TMEFF1: variants seen among roughly 807,000 people sequenced by gnomAD.
TMEFF1 encodes the protein transmembrane protein with EGF like and two follistatin like domains 1, also known as tomoregulin-1.
In TMEFF1, 20 loss-of-function variants were observed where a neutral mutation model predicts 47.5. That is an observed-to-expected ratio of 0.42 (90% CI 0.30 to 0.61). The LOEUF (loss-of-function observed/expected upper bound fraction) is 0.61, where lower values mean the gene tolerates loss of function less well. Among genes scored for constraint, TMEFF1 ranks in the 20% least tolerant of loss-of-function variants. The pLI is 0.19. For missense variants in TMEFF1, 411 were observed against 471.1 expected (o/e 0.87, Z 1.18); for synonymous variants, 162 against 166.3 (o/e 0.97, Z 0.20).
chr9:100,523,407 G>C (rs1380297740), intron 5 of TMEFF1, among the ~76,000 whole-genome samples: 2 of 152,158 alleles, frequency 1.3e-5, no homozygotes, highest in Admixed American at 1.3e-4. Flanking sequence ...CTTCCTGAGG[G>C]CAGGGACTTT....
intron 1 of TMEFF1, among the ~76,000 whole-genome samples, chr9:100,487,151 A>C (rs1410490463): frequency 6.6e-6 from 1 of 151,704 alleles, no homozygotes; most frequent in Non-Finnish European, 1.5e-5. Context: ...TTTTTTAAAA[A>C]ATTTTTAATT....
intron 5 of TMEFF1, among the ~76,000 whole-genome samples, chr9:100,542,120 AT>A (rs968559282): frequency 1.3e-4 from 17 of 133,418 alleles, no homozygotes; most frequent in East Asian, 4.4e-4. Context: ...CCTTTTTTGG[AT>A]TTTTTTTTTC....
At chr9:100,540,090 A>G (rs941150031) in intron 5 of TMEFF1, among the ~76,000 whole-genome samples, 15 of 152,146 alleles carry the variant, frequency 9.9e-5, no homozygotes, top group African/African-American at 3.6e-4. Context: ...AGCTAGACAG[A>G]AAAGTTCTCC....
At chr9:100,504,192 A>G (rs372351756) in intron 2 of TMEFF1, among the ~76,000 whole-genome samples, 169 of 152,320 alleles carry the variant, frequency 1.1e-3, no homozygotes, top group Admixed American at 2.0e-3. Context: ...TAGACTTAGA[A>G]TCCACCATCA....
chr9:100,576,545 G>T lies in TMEFF1; in HGVS notation c.1088G>T (p.Arg363Leu). ...TGCCCCAAAAACAATAGAGGACGTC[G>T]ACAGAAGCAAAACCTAGGTCATTTT... is the stretch of plus-strand genomic sequence containing the variant. ...RKCPKNNRGRRQKQNLGHFTS... is the reference protein window; with the variant it reads ...RKCPKNNRGRLQKQNLGHFTS... The change falls in exon 10 of 10, where the codon CGA (arginine) becomes CTA (leucine). Residue 363 changes from arginine (R) to leucine (L), a missense_variant. Coordinates refer to ENST00000374879, the MANE Select transcript of TMEFF1 (RefSeq NM_003692.5). 1 of 1,612,782 alleles carries T rather than the reference G, an allele frequency of 6.2e-7. No individual in the cohort carries two copies.
intron 5 of TMEFF1, among the ~76,000 whole-genome samples, chr9:100,535,730 C>T (rs1002075157): frequency 6.6e-6 from 1 of 152,238 alleles, no homozygotes; most frequent in South Asian, 2.1e-4. Context: ...TGCCACTGCA[C>T]TCCAGCCTGA....
chr9:100,565,673 G>A (rs1165270260), intron 8 of TMEFF1, among the ~76,000 whole-genome samples: 1 of 152,046 alleles, frequency 6.6e-6, no homozygotes, highest in African/African-American at 2.4e-5. Context: ...TTCTTTCCAA[G>A]TTCACTGAGA....
chr9:100,543,689 T>C (rs1289212625), intron 5 of TMEFF1, among the ~76,000 whole-genome samples: 1 of 144,530 alleles, frequency 6.9e-6, no homozygotes, highest in Non-Finnish European at 1.5e-5. Context: ...AACACTAACA[T>C]AGCTGATGAA....
At chr9:100,519,765 G>A (rs1838131368) in intron 5 of TMEFF1, among the ~76,000 whole-genome samples, 1 of 146,508 alleles carries the variant, frequency 6.8e-6, no homozygotes, top group African/African-American at 2.5e-5. Context: ...AGTACTAGCT[G>A]CTTTTAAATT....
At chr9:100,531,831 C>A (rs965529911) in intron 5 of TMEFF1, among the ~76,000 whole-genome samples, 10 of 152,182 alleles carry the variant, frequency 6.6e-5, no homozygotes, top group Non-Finnish European at 1.5e-4. Flanking sequence ...CACTACCTGA[C>A]TTCAAACTAT....
chr9:100,488,350 C>T (rs370500789), intron 1 of TMEFF1, among the ~76,000 whole-genome samples: 212 of 152,152 alleles, frequency 1.4e-3, no homozygotes, highest in African/African-American at 4.8e-3. Flanking sequence ...TTGTTTTCTA[C>T]TTTGGTTTTA....
intron 1 of TMEFF1, among the ~76,000 whole-genome samples, chr9:100,489,088 C>G (rs1837503149): frequency 6.6e-6 from 1 of 152,072 alleles, no homozygotes; most frequent in Admixed American, 6.6e-5. Context: ...ACACCCCCAT[C>G]CCCTGGTAAC....
rs150920073 is a variant in TMEFF1 at position 100,553,075 on chromosome 9, A to G, written c.775+2915A>G. Among the ~76,000 whole-genome samples, 543 of 152,288 alleles carry G rather than the reference A, an allele frequency of 3.6e-3. 2 individuals are homozygous for G. The highest frequency in any genetic ancestry group is 6.0e-3 in the Non-Finnish European group (409 of 68,024). On this transcript the variant is annotated intron_variant, in intron 7 of 9. Transcript: ENST00000374879. ...AAGAAAATCAAGAAGAGTACACAGA[A>G]GCTACAAGGGAAAGGATGGCCAATA...
At chr9:100,567,865 T>C (rs777545517) in intron 8 of TMEFF1, among the ~76,000 whole-genome samples, 3 of 152,138 alleles carry the variant, frequency 2.0e-5, no homozygotes, top group Non-Finnish European at 1.5e-5. Context: ...TCCACGTGGC[T>C]GGGGAGGCCT....
At chr9:100,540,607 C>G (rs1038242551) in intron 5 of TMEFF1, among the ~76,000 whole-genome samples, 3 of 152,220 alleles carry the variant, frequency 2.0e-5, no homozygotes, top group Non-Finnish European at 4.4e-5. Flanking sequence ...GCTCCTCAAG[C>G]AGGGCCAGAG....
At chr9:100,547,537 A>T (rs1838758927) in intron 5 of TMEFF1, among the ~76,000 whole-genome samples, 1 of 152,170 alleles carries the variant, frequency 6.6e-6, no homozygotes. Flanking sequence ...AAACCACTGG[A>T]TTCATAATAT....
At chr9:100,554,339 G>A (rs1838878056) in intron 7 of TMEFF1, among the ~76,000 whole-genome samples, 2 of 152,146 alleles carry the variant, frequency 1.3e-5, no homozygotes, top group Admixed American at 1.3e-4. Flanking sequence ...CATGGAGCTT[G>A]GTGGAGAGTC....
chr9:100,538,912 CT>C (rs879622093), intron 5 of TMEFF1, among the ~76,000 whole-genome samples: 48 of 145,922 alleles, frequency 3.3e-4, no homozygotes, highest in Non-Finnish European at 3.6e-4. Context: ...AGGAGATATT[CT>C]TTTTTTTTTT....
At chr9:100,487,879 T>A (rs902232196) in intron 1 of TMEFF1, among the ~76,000 whole-genome samples, 1 of 152,146 alleles carries the variant, frequency 6.6e-6, no homozygotes, top group Non-Finnish European at 1.5e-5. Context: ...AGTCTGGAAC[T>A]CTTTCTAATG....
Sources: gnomAD v4.1 joint callset for allele counts (sites outside exome capture counted in the v4.1 genomes callset) on GRCh38, gnomAD v4.1.1 for gene constraint, MANE v1.5 for transcripts, NCBI Gene and HGNC (gene_info 2026-07-23, HGNC 2026-07-21) for gene names.